SLC8A3: variants seen among roughly 807,000 people sequenced by gnomAD.
SLC8A3 encodes solute carrier family 8 member A3.
SLC8A3 carries 37 observed loss-of-function variants against 65.4 expected under a neutral mutation model. The observed-to-expected ratio is 0.57, with a 90% CI of 0.44 to 0.74. The LOEUF (loss-of-function observed/expected upper bound fraction) is 0.74. SLC8A3 is among the 30% of genes least tolerant of loss of function. The probability of loss-of-function intolerance (pLI) is 0.00; values close to 1 mark genes in which losing one functional copy is unlikely to be tolerated. For synonymous variants in SLC8A3, 461 were observed against 444.5 expected, an observed-to-expected ratio of 1.04 and a Z score of -0.47; for missense variants, 1,112 against 1,172.1, an observed-to-expected ratio of 0.95 and a Z score of 0.75.
At chr14:70,157,551 A>G (rs17765449) in intron 2 of SLC8A3, among the ~76,000 whole-genome samples, 16,232 of 152,288 alleles carry the variant, frequency 0.11, 1,168 homozygotes, top group Non-Finnish European at 0.16. Context: ...ATATATGCAG[A>G]GAGGAGCCAT....
chr14:70,080,610 G>GA (rs1890971975), intron 2 of SLC8A3, among the ~76,000 whole-genome samples: 1 of 152,142 alleles, frequency 6.6e-6, no homozygotes, highest in Non-Finnish European at 1.5e-5. Context: ...GTTGGAGTTT[G>GA]GAAGATGTTC....
chr14:70,078,641 C>T (rs1171151830), intron 2 of SLC8A3, among the ~76,000 whole-genome samples: 2 of 152,302 alleles, frequency 1.3e-5, no homozygotes, highest in East Asian at 3.9e-4. Flanking sequence ...GGACCACCTA[C>T]CTTGTCTATC....
chr14:70,086,427 A>T, intron 2 of SLC8A3, among the ~76,000 whole-genome samples: 1 of 113,882 alleles, frequency 8.8e-6, no homozygotes, highest in Non-Finnish European at 1.7e-5. Context: ...TTTGAGATGG[A>T]GTCTCACTCT....
intron 2 of SLC8A3, among the ~76,000 whole-genome samples, chr14:70,151,249 G>A (rs1009413768): frequency 1.1e-4 from 14 of 132,458 alleles, no homozygotes; most frequent in South Asian, 7.3e-4. Flanking sequence ...GCGAGACTCC[G>A]CCTCAAAAAA....
rs990825648 is a variant in SLC8A3 at position 70,086,394 on chromosome 14, CTTTTTTCTTT to C, written c.1785-25465_1785-25456del. Among the ~76,000 whole-genome samples the C allele has an allele frequency of 1.0e-4, 12 of 116,880 alleles. No individual in the cohort carries two copies. In the East Asian group the frequency reaches 1.9e-3, roughly 18 times the overall value. 76.7% of individuals were successfully genotyped at this position (116,880 alleles called of 152,430 possible). On this transcript the variant is annotated intron_variant, in intron 2 of 6. Transcript: ENST00000356921. The stretch of plus-strand genomic sequence containing the variant: ...TTTCTTTCTTTTCTTTTTTCTTTTT[CTTTTTTCTTT>C]TTTTTTTTTTTTTTTGAGATGGAGT...
chr14:70,171,974 T>G (rs886417609), intron 1 of SLC8A3, among the ~76,000 whole-genome samples: 6 of 152,100 alleles, frequency 3.9e-5, no homozygotes, highest in Non-Finnish European at 5.9e-5. Context: ...ACATCTCTAA[T>G]GACCAAGCCA....
intron 3 of SLC8A3, among the ~76,000 whole-genome samples, chr14:70,054,192 G>A (rs1227007226): frequency 2.0e-5 from 3 of 151,948 alleles, no homozygotes; most frequent in African/African-American, 7.2e-5. Flanking sequence ...ACAAGAATAG[G>A]ATGTTGTGAA....
intron 2 of SLC8A3, among the ~76,000 whole-genome samples, chr14:70,116,684 G>A (rs1032318697): frequency 2.0e-5 from 3 of 152,140 alleles, no homozygotes; most frequent in Non-Finnish European, 4.4e-5. Flanking sequence ...TCTCACAAAA[G>A]GGGAGCTCCA....
At chr14:70,135,290 G>A (rs1309776367) in intron 2 of SLC8A3, among the ~76,000 whole-genome samples, 1 of 152,168 alleles carries the variant, frequency 6.6e-6, no homozygotes, top group East Asian at 1.9e-4. Context: ...TGCTGTTGGT[G>A]GGAATGTAAG....
intron 2 of SLC8A3, among the ~76,000 whole-genome samples, chr14:70,065,607 G>A (rs1447349539): frequency 6.6e-6 from 1 of 152,166 alleles, no homozygotes; most frequent in African/African-American, 2.4e-5. Flanking sequence ...TCAAATAATA[G>A]CACCTACTTT....
rs151050690 is a variant in SLC8A3, at chr14:70,171,066, G to T, written c.-62-2582C>A. 1.3e-3 allele frequency among the ~76,000 whole-genome samples: 194 copies of T among 152,276 alleles called. 2 individuals carry two copies. Among genetic ancestry groups the T allele is most frequent in the African/African-American group, 4.5e-3 (186 of 41,574 alleles). ...GAAATGTGGAGAGAAAAGGACCTTG[G>T]CTCTTTACTTTGACCTCTGAAAACC... On this transcript the variant is annotated intron_variant, in intron 1 of 6. Transcript: ENST00000356921.
Position 70,182,777 on chromosome 14 carries a change from T to C in SLC8A3, c.-63+5602A>G, listed in dbSNP as rs569414974. Among the ~76,000 whole-genome samples, 44 of 152,020 alleles carry C rather than the reference T, an allele frequency of 2.9e-4. 1 individual carries two copies. The South Asian group carries it at 8.1e-3, about 28-fold the overall frequency. On this transcript the variant is annotated intron_variant, in intron 1 of 6. Coordinates refer to ENST00000356921, the MANE Select transcript of SLC8A3 (RefSeq NM_182932.3). ...TAATGGGGAAAAGGAATTAGAGAAG[T>C]GATATTCTTTTTAAGATGGAGTTTG... is the stretch of plus-strand genomic sequence containing the variant.
At chr14:70,180,833 T>C (rs181187150) in intron 1 of SLC8A3, among the ~76,000 whole-genome samples, 192 of 152,230 alleles carry the variant, frequency 1.3e-3, no homozygotes, top group African/African-American at 4.3e-3. Context: ...GGCTGCACAT[T>C]GAGGAGTGCC....
At chr14:70,067,210 C>T (rs1380307275) in intron 2 of SLC8A3, among the ~76,000 whole-genome samples, 1 of 152,204 alleles carries the variant, frequency 6.6e-6, no homozygotes, top group Non-Finnish European at 1.5e-5. Context: ...CTGTGCTTAT[C>T]CTGATCGTTT....
rs559205981 is a variant in SLC8A3, at chr14:70,064,062, G to A, written c.1785-3123C>T. 1.7e-5 allele frequency: 10 copies of A among 595,510 alleles called. No individual in the cohort carries two copies. In the South Asian group the frequency reaches 1.9e-4, roughly 11 times the overall value. 36.9% of individuals were successfully genotyped at this position (595,510 alleles called of 1,614,324 possible). A position where few individuals can be genotyped will look rare whatever the true frequency, so the allele number is the denominator to read the frequency against. ...CCAAGTTTGCCCCAACACCACAGGG[G>A]CACGGAGGAGAGTGGCTGCCAGTGG... On this transcript the variant is annotated intron_variant, in intron 2 of 6. Transcript: ENST00000356921.
At chr14:70,182,325 A>G (rs533187284) in intron 1 of SLC8A3, among the ~76,000 whole-genome samples, 85 of 152,266 alleles carry the variant, frequency 5.6e-4, no homozygotes, top group African/African-American at 1.8e-3. Flanking sequence ...TTGGAGAGCT[A>G]GAGTCACAGA....
chr14:70,182,264 G>A (rs1336306445), intron 1 of SLC8A3, among the ~76,000 whole-genome samples: 1 of 152,132 alleles, frequency 6.6e-6, no homozygotes, highest in African/African-American at 2.4e-5. Flanking sequence ...GGAGTTAACA[G>A]GACATCTTGT....
rs200677601 is a variant in SLC8A3, at chr14:70,167,173, G to T, written c.1250C>A (p.Thr417Lys). The change falls in exon 2 of 7, where the codon ACA (threonine) becomes AAA (lysine). Residue 417 changes from threonine (T) to lysine (K), a missense_variant. Coordinates refer to ENST00000356921, the MANE Select transcript of SLC8A3 (RefSeq NM_182932.3). ...CLENCGAVLL[T>K]VVRKGGDMSK... ...CATGTCTCCCCCTTTCCTCACCACTGTCAGGAGTACAGCCCCACAGTTCTC... is the reference window on the plus strand; with the variant it reads ...CATGTCTCCCCCTTTCCTCACCACTTTCAGGAGTACAGCCCCACAGTTCTC... 2.5e-6 allele frequency: 4 copies of T among 1,614,102 alleles called. No individual in the cohort carries two copies. Among genetic ancestry groups the T allele is most frequent in the South Asian group, 1.1e-5 (1 of 91,066 alleles).
intron 3 of SLC8A3, 35 bp from the exon 4 acceptor site, chr14:70,052,149 C>G (rs761747369): frequency 1.3e-6 from 2 of 1,564,860 alleles, no homozygotes; most frequent in African/African-American, 2.7e-5. Context: ...GCTTTAACAC[C>G]TTTTCCATTC....
Sources: gnomAD v4.1 joint callset for allele counts (sites outside exome capture counted in the v4.1 genomes callset) on GRCh38, gnomAD v4.1.1 for gene constraint, MANE v1.5 for transcripts, NCBI Gene and HGNC (gene_info 2026-07-23, HGNC 2026-07-21) for gene names.